Variants in SEMA4D observed in about 807,000 individuals in gnomAD.
SEMA4D encodes semaphorin 4D, also known as semaphorin-4D.
Under a neutral mutation model 74.8 loss-of-function variants are expected in SEMA4D, and 22 were observed. The observed-to-expected ratio is 0.29, with a 90% CI of 0.21 to 0.42. SEMA4D has a LOEUF of 0.42. Among genes scored for constraint, SEMA4D ranks in the 10% least tolerant of loss-of-function variants. The pLI is 1.00. For synonymous variants in SEMA4D, 445 were observed against 463.7 expected (o/e 0.96, Z 0.52); for missense variants, 937 against 1,118.4 (o/e 0.84, Z 2.31).
intron 2 of SEMA4D, chr9:89,418,925 G>C (rs1025438755): frequency 1.3e-5 from 2 of 152,036 alleles, no homozygotes; most frequent in African/African-American, 4.8e-5. Context: ...ATATGATCAC[G>C]GCTCTTTTTT....
downstream of SEMA4D, chr9:89,376,922 G>A (rs1484088087): frequency 2.6e-6 from 4 of 1,550,858 alleles, no homozygotes; most frequent in East Asian, 2.4e-5. Context: ...GGAGACCCTC[G>A]AGCTGCTGTC....
intron 1 of SEMA4D, chr9:89,479,709 G>A (rs1030728027): frequency 1.1e-4 from 17 of 160,512 alleles, no homozygotes; most frequent in Non-Finnish European, 1.6e-4. Flanking sequence ...TTAAGGCAGC[G>A]CGTCTGGAGT....
In SEMA4D at chr9:89,385,310, G is replaced by A. The variant is rs190729332; in HGVS notation, c.1446+1057C>T. ...CCAGGGGCCCAATCTTCATTCTAATGAGAAGTCCACATTTTAGAGATGTTG... is the reference window on the plus strand; with the variant it reads ...CCAGGGGCCCAATCTTCATTCTAATAAGAAGTCCACATTTTAGAGATGTTG... On this transcript the variant is annotated intron_variant, in intron 13 of 15. Transcript: ENST00000422704. The A allele has an allele frequency of 1.2e-3, 1,191 of 985,356 alleles. 1 individual carries two copies. The highest frequency in any genetic ancestry group is 1.2e-3 in the Non-Finnish European group (1,030 of 829,912). The allele number at this position is 985,356 out of a possible 1,614,324, so 61.0% of individuals were successfully genotyped here.
At chr9:89,496,742 A>C (rs574367179) in intron 1 of SEMA4D, among the ~76,000 whole-genome samples, 27 of 152,332 alleles carry the variant, frequency 1.8e-4, no homozygotes, top group Middle Eastern at 3.4e-3. Context: ...GGACACAGTA[A>C]ACATTCCCAA....
chr9:89,364,112 C>G, intron 16 of SEMA4D: 1 of 1,457,584 alleles, frequency 6.9e-7, no homozygotes, highest in Non-Finnish European at 9.2e-7. Context: ...GGTGGCTTCC[C>G]CATGGCCAGC....
intron 1 of SEMA4D, among the ~76,000 whole-genome samples, chr9:89,465,224 C>G (rs1471314854): frequency 6.6e-6 from 1 of 152,116 alleles, no homozygotes; most frequent in Admixed American, 6.5e-5. Flanking sequence ...AGCCCTTAGT[C>G]CGGTGCATCC....
chr9:89,450,603 G>A lies in SEMA4D; in HGVS notation c.-244+5285C>T, dbSNP rs559168155. The A allele has an allele frequency of 2.7e-4, 218 of 799,928 alleles. No individual in the cohort carries two copies. In the East Asian group the frequency reaches 7.3e-3, roughly 27 times the overall value. The allele number at this position is 799,928 out of a possible 1,614,324, so 49.6% of individuals were successfully genotyped here. ...TGACCTCTATAAGTCTGAGATGAAG[G>A]TCCAGGATGCAGAGCTAAAGACCCT... On this transcript the variant is annotated intron_variant, in intron 2 of 15. Transcript: ENST00000422704.
chr9:89,463,028 C>T (rs1857729119), intron 1 of SEMA4D, among the ~76,000 whole-genome samples: 1 of 119,272 alleles, frequency 8.4e-6, no homozygotes, highest in Admixed American at 8.7e-5. Flanking sequence ...GGAAACAGAA[C>T]AAAAGGGTCT....
chr9:89,462,872 A>T (rs186320386), intron 1 of SEMA4D, among the ~76,000 whole-genome samples: 1 of 61,404 alleles, frequency 1.6e-5, no homozygotes, highest in East Asian at 5.9e-4. Context: ...TGAGCCTGGG[A>T]GTTTGAGGCT....
chr9:89,443,748 C>A (rs1370376533), intron 2 of SEMA4D, among the ~76,000 whole-genome samples: 1 of 152,236 alleles, frequency 6.6e-6, no homozygotes, highest in East Asian at 1.9e-4. Context: ...ATGGGTGGGG[C>A]TGGGGTCACC....
downstream of SEMA4D, chr9:89,376,372 T>A (rs186851142): frequency 0.072 from 9,290 of 129,626 alleles, 412 homozygotes; most frequent in South Asian, 0.14. Flanking sequence ...TCTCTTGAAA[T>A]TTTTTTTTTT....
rs1432994014 is a variant in SEMA4D at position 89,464,944 on chromosome 9, T to C, written c.-309-8991A>G. On this transcript the variant is annotated intron_variant, in intron 1 of 15. Transcript: ENST00000422704. ...CTAAATTATATTAGCTTGCTTGCTT[T>C]ATTTGGATGCATCTCTGTTTTTGAC... 2.0e-5 allele frequency among the ~76,000 whole-genome samples: 3 copies of C among 152,244 alleles called. No individual in the cohort carries two copies. The East Asian group carries it at 5.8e-4, about 29-fold the overall frequency.
At chr9:89,461,394 G>A (rs962344002) in intron 1 of SEMA4D, among the ~76,000 whole-genome samples, 3 of 152,178 alleles carry the variant, frequency 2.0e-5, no homozygotes, top group Non-Finnish European at 4.4e-5. Flanking sequence ...CCCCCACAGA[G>A]AGAAGCACGT....
chr9:89,465,840 T>C (rs1187111519), intron 1 of SEMA4D, among the ~76,000 whole-genome samples: 1 of 152,194 alleles, frequency 6.6e-6, no homozygotes, highest in Non-Finnish European at 1.5e-5. Context: ...CAGTGCTCCA[T>C]TCAAAGGCTG....
At chr9:89,420,869 A>G (rs1031237690) in intron 2 of SEMA4D, among the ~76,000 whole-genome samples, 22 of 152,254 alleles carry the variant, frequency 1.4e-4, no homozygotes, top group Non-Finnish European at 2.5e-4. Flanking sequence ...ATGAGGATCC[A>G]TGACTAATCA....
In SEMA4D at chr9:89,399,420, T is replaced by C. The variant is rs528328089; in HGVS notation, c.253-82A>G. On this transcript the variant is annotated intron_variant, in intron 4 of 15. Coordinates refer to ENST00000422704, the MANE Select transcript of SEMA4D (RefSeq NM_001371194.2). ...AATGCACAATTTTAAAAGCACATGA[T>C]AGAGTTTAGAGCCTAGAGGTTTCTC... The C allele has an allele frequency of 2.8e-6, 3 of 1,053,900 alleles. No homozygotes were observed. The Admixed American group carries it at 5.2e-5, about 18-fold the overall frequency. The allele number at this position is 1,053,900 out of a possible 1,614,324, so 65.3% of individuals were successfully genotyped here.
intron 2 of SEMA4D, among the ~76,000 whole-genome samples, chr9:89,421,801 G>A (rs572785133): frequency 2.0e-5 from 3 of 148,664 alleles, no homozygotes; most frequent in South Asian, 2.1e-4. Flanking sequence ...GTGTGTGTGC[G>A]TGTGTGTGTG....
At chr9:89,398,240 A>G (rs1841431829) in intron 5 of SEMA4D, among the ~76,000 whole-genome samples, 1 of 152,070 alleles carries the variant, frequency 6.6e-6, no homozygotes, top group Non-Finnish European at 1.5e-5. Flanking sequence ...TGCCTATAAG[A>G]GCCCAGACTC....
intron 4 of SEMA4D, among the ~76,000 whole-genome samples, chr9:89,401,438 T>C (rs1170710971): frequency 6.6e-6 from 1 of 152,068 alleles, no homozygotes; most frequent in African/African-American, 2.4e-5. Flanking sequence ...ACCCTGGAGA[T>C]GAAAACAAAA....
Sources: allele counts gnomAD v4.1 joint callset (sites outside exome capture counted in the v4.1 genomes callset), GRCh38; gene constraint gnomAD v4.1.1; transcripts MANE v1.5; gene names NCBI Gene and HGNC (gene_info 2026-07-23, HGNC 2026-07-21).